Variants in GLRA3 observed in about 807,000 individuals in gnomAD.
GLRA3 encodes the protein glycine receptor alpha 3.
GLRA3 carries 44 observed loss-of-function variants against 60.4 expected under a neutral mutation model. The observed-to-expected ratio is 0.73, with a 90% CI of 0.57 to 0.94. The LOEUF (loss-of-function observed/expected upper bound fraction) is 0.94, where lower values mean the gene tolerates loss of function less well. Among genes scored for constraint, GLRA3 ranks in the 40% least tolerant of loss-of-function variants. The pLI, the probability that GLRA3 is intolerant of heterozygous loss-of-function variation, is 0.00. For synonymous variants in GLRA3, 223 were observed against 192.9 expected, an observed-to-expected ratio of 1.16 and a Z score of -1.29; for missense variants, 508 against 564.6, an observed-to-expected ratio of 0.90 and a Z score of 1.02.
At chr4:174,777,236 G>A (rs36082225) in intron 2 of GLRA3, among the ~76,000 whole-genome samples, 30,340 of 152,098 alleles carry the variant, frequency 0.2, 3,561 homozygotes, top group Admixed American at 0.26. Flanking sequence ...TTAAATGTCA[G>A]TAGGCAATGA....
intron 9 of GLRA3, among the ~76,000 whole-genome samples, chr4:174,651,852 GT>G: frequency 6.6e-6 from 1 of 152,128 alleles, no homozygotes; most frequent in Non-Finnish European, 1.5e-5. Flanking sequence ...CATTTTGAAT[GT>G]GCCCATGAGA....
At chr4:174,728,829 A>G (rs1736431576) in intron 3 of GLRA3, 131 bp from the exon 4 acceptor site, 7 of 595,324 alleles carry the variant, frequency 1.2e-5, no homozygotes, top group Non-Finnish European at 2.1e-5. Context: ...GACGGGGTGT[A>G]TAGTTAATGG....
rs539688494 is a variant in GLRA3, at chr4:174,664,566, T to C, written c.928-5369A>G. Among the ~76,000 whole-genome samples the C allele has an allele frequency of 5.3e-5, 8 of 152,186 alleles. No homozygotes were observed. The East Asian group carries it at 1.3e-3, about 26-fold the overall frequency. ...TCAGCCCTGTTAATTATGTTTTCTTTCCATTTCTCAAGTTTATCAATTTCT... is the reference window on the plus strand; with the variant it reads ...TCAGCCCTGTTAATTATGTTTTCTTCCCATTTCTCAAGTTTATCAATTTCT... On this transcript the variant is annotated intron_variant, in intron 7 of 9. Coordinates refer to ENST00000274093, the MANE Select transcript of GLRA3 (RefSeq NM_006529.4).
chr4:174,759,634 C>G (rs1413095007), intron 3 of GLRA3, among the ~76,000 whole-genome samples: 1 of 152,062 alleles, frequency 6.6e-6, no homozygotes, highest in Non-Finnish European at 1.5e-5. Context: ...AATTTTTAAA[C>G]TGTGTGTTTG....
At chr4:174,808,392 C>T (rs561550731) in intron 1 of GLRA3, among the ~76,000 whole-genome samples, 2 of 152,102 alleles carry the variant, frequency 1.3e-5, no homozygotes, top group East Asian at 1.9e-4. Context: ...TACTCATGTG[C>T]TTGTTGTGAT....
At chr4:174,750,629 AT>A (rs1312973235) in intron 3 of GLRA3, among the ~76,000 whole-genome samples, 1 of 152,128 alleles carries the variant, frequency 6.6e-6, no homozygotes, top group African/African-American at 2.4e-5. Context: ...CCAGATTTCA[AT>A]AGTGATAATT....
chr4:174,759,713 A>G (rs1262096055), intron 3 of GLRA3, among the ~76,000 whole-genome samples: 1 of 152,172 alleles, frequency 6.6e-6, no homozygotes, highest in Non-Finnish European at 1.5e-5. Flanking sequence ...ATATCAGTGC[A>G]GGCATAGACA....
chr4:174,646,175 A>T (rs1732805310), intron 9 of GLRA3, among the ~76,000 whole-genome samples: 1 of 152,210 alleles, frequency 6.6e-6, no homozygotes, highest in Admixed American at 6.5e-5. Context: ...AGATATCAGG[A>T]TTCTAGCTGA....
chr4:174,815,864 G>T (rs936614229), intron 1 of GLRA3, among the ~76,000 whole-genome samples: 1 of 152,124 alleles, frequency 6.6e-6, no homozygotes, highest in African/African-American at 2.4e-5. Flanking sequence ...CCATTATCTT[G>T]GTGACTAACA....
Position 174,677,258 on chromosome 4 carries a change from C to A in GLRA3, c.747G>T (p.Leu249=). The A allele has an allele frequency of 1.2e-6, 2 of 1,611,808 alleles. No homozygotes were observed. The highest frequency in any genetic ancestry group is 1.7e-6 in the Non-Finnish European group (2 of 1,178,256). Residue 249 remains leucine (L), a synonymous_variant, in exon 7 of 10, where the codon CTG becomes CTT. Coordinates refer to ENST00000274093, the MANE Select transcript of GLRA3 (RefSeq NM_006529.4). The part of the protein sequence containing the change: ...KFTCIEVRFH[L]ERQMGYYLIQ... ...TCAGATAGTATCCCATTTGTCGCTC[C>A]AGATGGAATCGCACTTCTATACACG...
chr4:174,693,522 T>C (rs936608999), intron 5 of GLRA3, among the ~76,000 whole-genome samples: 3 of 152,202 alleles, frequency 2.0e-5, no homozygotes, highest in Non-Finnish European at 2.9e-5. Context: ...TCTATATGTC[T>C]GTTTTTGTAC....
chr4:174,762,386 C>G (rs932515191), intron 3 of GLRA3, among the ~76,000 whole-genome samples: 1 of 152,056 alleles, frequency 6.6e-6, no homozygotes, highest in African/African-American at 2.4e-5. Flanking sequence ...CTATAGCCAG[C>G]CCCCATCCCC....
intron 8 of GLRA3, 66 bp downstream of exon 8, chr4:174,658,988 A>G: frequency 7.2e-7 from 1 of 1,382,276 alleles, no homozygotes. Context: ...ATCTCTATTA[A>G]ATACAACAAA....
chr4:174,657,986 T>C (rs537390021), intron 8 of GLRA3, among the ~76,000 whole-genome samples: 37 of 152,176 alleles, frequency 2.4e-4, no homozygotes, highest in Non-Finnish European at 4.4e-4. Context: ...CTTTAGAATA[T>C]GTTTAATACT....
intron 5 of GLRA3, among the ~76,000 whole-genome samples, chr4:174,706,484 G>A (rs1443847607): frequency 6.6e-6 from 1 of 152,090 alleles, no homozygotes; most frequent in East Asian, 1.9e-4. Context: ...AGTAAAGGAG[G>A]TAAATGATAA....
At chr4:174,700,152 C>T (rs952009143) in intron 5 of GLRA3, among the ~76,000 whole-genome samples, 1 of 152,124 alleles carries the variant, frequency 6.6e-6, no homozygotes, top group African/African-American at 2.4e-5. Context: ...CACAAATGAG[C>T]AAGTTAACTA....
intron 7 of GLRA3, among the ~76,000 whole-genome samples, chr4:174,673,906 C>T (rs1734004139): frequency 6.6e-6 from 1 of 152,154 alleles, no homozygotes; most frequent in Admixed American, 6.5e-5. Context: ...GAATGCTACC[C>T]TTGACTCCTG....
At chr4:174,707,037 GT>G (rs1735544767) in intron 5 of GLRA3, among the ~76,000 whole-genome samples, 1 of 152,130 alleles carries the variant, frequency 6.6e-6, no homozygotes, top group African/African-American at 2.4e-5. Flanking sequence ...ATACTATAGT[GT>G]TCTCAGCAAG....
At position 174,659,192 on chromosome 4, in the gene GLRA3, T is replaced by C. The variant is rs147848250; in HGVS notation, c.933A>G (p.Ser311=). 1 of 1,610,282 alleles carries C rather than the reference T, an allele frequency of 6.2e-7. No homozygotes were observed. The highest frequency in any genetic ancestry group is 1.1e-5 in the South Asian group (1 of 90,580). ...TCCAAATATCAATAGCTTTGACATATGAAACCTAGCCAAGAGAGAAAGAGA... is the reference window on the plus strand; with the variant it reads ...TCCAAATATCAATAGCTTTGACATACGAAACCTAGCCAAGAGAGAAAGAGA... The part of the protein sequence containing the change: ...SGSRASLPKV[S]YVKAIDIWMA... Residue 311 remains serine (S), a synonymous_variant, in exon 8 of 10, where the codon TCA becomes TCG. Transcript: ENST00000274093.
Sources: gnomAD v4.1 joint callset for allele counts (sites outside exome capture counted in the v4.1 genomes callset) on GRCh38, gnomAD v4.1.1 for gene constraint, MANE v1.5 for transcripts, NCBI Gene and HGNC (gene_info 2026-07-23, HGNC 2026-07-21) for gene names.